SH3PXD2B: variants seen among roughly 807,000 people sequenced by gnomAD.
SH3PXD2B encodes SH3 and PX domains 2B.
Under a neutral mutation model 73.1 loss-of-function variants are expected in SH3PXD2B, and 37 were observed. That is an observed-to-expected ratio of 0.51 (90% CI 0.39 to 0.67). The LOEUF is 0.67. Ranked by LOEUF, SH3PXD2B falls within the 30% of genes least tolerant of loss-of-function variation. The pLI is 0.00. For synonymous variants in SH3PXD2B, 457 were observed against 480.5 expected (o/e 0.95, Z 0.64); for missense variants, 1,053 against 1,197.8 (o/e 0.88, Z 1.78).
intron 4 of SH3PXD2B, among the ~76,000 whole-genome samples, chr5:172,393,779 A>G (rs150541737): frequency 6.6e-6 from 1 of 152,370 alleles, no homozygotes; most frequent in Non-Finnish European, 1.5e-5. Flanking sequence ...TTTCCTGACT[A>G]TAGCCTCAAG....
chr5:172,337,083 G>A lies in SH3PXD2B; in HGVS notation c.*1286C>T. Reference sequence around the variant, plus strand: ...CTCCATAAGCTCTATTCCCCAGGGGGCAACAGCTTAGAAGAGGGAACAGGG... The same window carrying A: ...CTCCATAAGCTCTATTCCCCAGGGGACAACAGCTTAGAAGAGGGAACAGGG... On this transcript the variant is annotated 3_prime_UTR_variant, in exon 13 of 13. Transcript: ENST00000311601. 1.6e-5 allele frequency: 15 copies of A among 943,586 alleles called. No homozygotes were observed. Among genetic ancestry groups the A allele is most frequent in the Non-Finnish European group, 1.8e-5 (15 of 814,448 alleles). The allele number at this position is 943,586 out of a possible 1,614,324, so 58.5% of individuals were successfully genotyped here. A position where few individuals can be genotyped will look rare whatever the true frequency, so the allele number is the denominator to read the frequency against.
intron 1 of SH3PXD2B, among the ~76,000 whole-genome samples, chr5:172,449,911 G>T (rs956345061): frequency 3.3e-5 from 5 of 152,142 alleles, no homozygotes; most frequent in Non-Finnish European, 5.9e-5. Context: ...CATAGTAAGC[G>T]ACAGTTAAAA....
chr5:172,368,547 A>G (rs1167891508), intron 6 of SH3PXD2B, among the ~76,000 whole-genome samples: 4 of 20,934 alleles, frequency 1.9e-4, no homozygotes, highest in African/African-American at 3.5e-4. Flanking sequence ...TATAAAATAT[A>G]TATATATTAT....
At chr5:172,345,145 TGCAG>T (rs1459781129) in intron 12 of SH3PXD2B, among the ~76,000 whole-genome samples, 2 of 143,634 alleles carry the variant, frequency 1.4e-5, no homozygotes, top group African/African-American at 5.7e-5. Flanking sequence ...AATGAAGGCG[TGCAG>T]GCAGGCAGGC....
chr5:172,336,372 C>T lies in SH3PXD2B; in HGVS notation c.*1997G>A. 1 of 985,824 alleles carries T rather than the reference C, an allele frequency of 1.0e-6. No homozygotes were observed. Among genetic ancestry groups the T allele is most frequent in the Non-Finnish European group, 1.2e-6 (1 of 829,994 alleles). 61.1% of individuals were successfully genotyped at this position (985,824 alleles called of 1,614,324 possible). On this transcript the variant is annotated 3_prime_UTR_variant, in exon 13 of 13. Transcript: ENST00000311601. ...CCACCTCCCTTCTTCCCCTGGCTGC[C>T]ATCTGCCCCCAACGCTCTGGGCACA...
At position 172,334,984 on chromosome 5, in the gene SH3PXD2B, C is replaced by T; in HGVS notation, c.*3385G>A. 1.0e-6 allele frequency: 1 copy of T among 985,450 alleles called. No homozygotes were observed. The highest frequency in any genetic ancestry group is 1.7e-5 in the African/African-American group (1 of 57,348). The allele number at this position is 985,450 out of a possible 1,614,324, so 61.0% of individuals were successfully genotyped here. A position where few individuals can be genotyped will look rare whatever the true frequency, so the allele number is the denominator to read the frequency against. On this transcript the variant is annotated 3_prime_UTR_variant, in exon 13 of 13. Coordinates refer to ENST00000311601, the MANE Select transcript of SH3PXD2B (RefSeq NM_001017995.3). ...GTAACCTGGCATGGGCTCCAGCGAT[C>T]CCCCAGTAGGGAAGGGCCATTAAAA...
intron 8 of SH3PXD2B, 30 bp downstream of exon 8, chr5:172,358,743 C>T (rs1309034506): frequency 5.7e-6 from 9 of 1,588,298 alleles, no homozygotes; most frequent in Non-Finnish European, 7.7e-6. Flanking sequence ...AGGTCCTCCC[C>T]AGTGAGCAGA....
intron 7 of SH3PXD2B, among the ~76,000 whole-genome samples, chr5:172,360,125 G>A (rs1215340543): frequency 1.3e-5 from 2 of 152,114 alleles, no homozygotes; most frequent in African/African-American, 2.4e-5. Flanking sequence ...ATGTGCTGTC[G>A]GCCGGGCGTG....
At chr5:172,409,315 G>A (rs2113436919) in intron 2 of SH3PXD2B, among the ~76,000 whole-genome samples, 1 of 152,148 alleles carries the variant, frequency 6.6e-6, no homozygotes, top group African/African-American at 2.4e-5. Context: ...CTGGGAGGTG[G>A]AGGTTGCAGC....
intron 1 of SH3PXD2B, among the ~76,000 whole-genome samples, chr5:172,436,016 T>C (rs1229853921): frequency 1.3e-5 from 2 of 152,204 alleles, no homozygotes; most frequent in East Asian, 3.9e-4. Flanking sequence ...CCCTCCATTT[T>C]ACAAATGAAG....
intron 4 of SH3PXD2B, among the ~76,000 whole-genome samples, chr5:172,393,441 AT>A (rs1268913663): frequency 6.6e-6 from 1 of 152,010 alleles, no homozygotes; most frequent in Non-Finnish European, 1.5e-5. Flanking sequence ...TTGTCCTAAT[AT>A]TTTTTTGATG....
At chr5:172,378,357 T>C (rs567295834) in intron 5 of SH3PXD2B, among the ~76,000 whole-genome samples, 1 of 152,324 alleles carries the variant, frequency 6.6e-6, no homozygotes, top group East Asian at 1.9e-4. Context: ...CTCAGGTCCA[T>C]GTACAGGATT....
chr5:172,381,196 C>T (rs185599689), intron 5 of SH3PXD2B, among the ~76,000 whole-genome samples: 17 of 152,330 alleles, frequency 1.1e-4, no homozygotes, highest in Non-Finnish European at 1.5e-4. Context: ...ATCCAGCGAA[C>T]GCAGCGCCAA....
chr5:172,383,439 C>A (rs1179094500), intron 4 of SH3PXD2B, among the ~76,000 whole-genome samples: 1 of 152,184 alleles, frequency 6.6e-6, no homozygotes, highest in Admixed American at 6.5e-5. Flanking sequence ...AGTTTCTGTG[C>A]CAAATACAAC....
intron 10 of SH3PXD2B, among the ~76,000 whole-genome samples, chr5:172,348,647 TATCTATCC>T (rs1757058932): frequency 4.0e-5 from 2 of 49,564 alleles, no homozygotes; most frequent in African/African-American, 7.9e-5. Flanking sequence ...TGTATCTATC[TATCTATCC>T]TATCTATCTA....
intron 3 of SH3PXD2B, among the ~76,000 whole-genome samples, chr5:172,403,056 C>T (rs868053999): frequency 1.1e-4 from 17 of 152,248 alleles, no homozygotes; most frequent in Non-Finnish European, 1.5e-4. Context: ...TGGGCAGCGG[C>T]CCCGGCCTGT....
At chr5:172,383,445 A>G (rs140393773) in intron 4 of SH3PXD2B, among the ~76,000 whole-genome samples, 1,620 of 152,354 alleles carry the variant, frequency 0.011, 40 homozygotes, top group African/African-American at 0.037. Flanking sequence ...TGTGCCAAAT[A>G]CAACAGAAGT....
chr5:172,350,669 T>C (rs1490356766), intron 9 of SH3PXD2B, 80 bp from the exon 10 acceptor site: 2 of 1,414,978 alleles, frequency 1.4e-6, no homozygotes, highest in Non-Finnish European at 1.9e-6. Context: ...GGGAATCACA[T>C]GACAGGTCCC....
chr5:172,445,327 G>C lies in SH3PXD2B; in HGVS notation c.75+8951C>G, dbSNP rs905755869. Among the ~76,000 whole-genome samples, 1 of 152,250 alleles carries C rather than the reference G, an allele frequency of 6.6e-6. No individual in the cohort carries two copies. The highest frequency in any genetic ancestry group is 1.5e-5 in the Non-Finnish European group (1 of 68,044). On this transcript the variant is annotated intron_variant, in intron 1 of 12. Coordinates refer to ENST00000311601, the MANE Select transcript of SH3PXD2B (RefSeq NM_001017995.3). The surrounding 1 kb of genome is among the most constrained non-coding windows in gnomAD (Gnocchi z 5.2). ...GGGCTCAAGCGATCTTCCTGCCTCA[G>C]CCTCTCAAGTAGCTGGGATTGCAGG... is the stretch of plus-strand genomic sequence containing the variant.
Sources: gnomAD v4.1 joint callset for allele counts (sites outside exome capture counted in the v4.1 genomes callset) on GRCh38, gnomAD v4.1.1 for gene constraint, Gnocchi (gnomAD v3.1) non-coding constraint, MANE v1.5 for transcripts, NCBI Gene and HGNC (gene_info 2026-07-23, HGNC 2026-07-21) for gene names.